DLG2: variants seen among roughly 807,000 people sequenced by gnomAD.
DLG2 encodes disks large homolog 2.
DLG2 carries 45 observed loss-of-function variants against 132.5 expected under a neutral mutation model. That is an observed-to-expected ratio of 0.34 (90% CI 0.27 to 0.44). DLG2 has a LOEUF of 0.44. Ranked by LOEUF, DLG2 falls within the 20% of genes least tolerant of loss-of-function variation. DLG2 has a pLI of 1.00. For missense variants in DLG2, 1,045 were observed against 1,196.9 expected (o/e 0.87, Z 1.87); for synonymous variants, 424 against 419.6 (o/e 1.01, Z -0.13).
chr11:83,847,650 G>A (rs1219712513), intron 16 of DLG2, among the ~76,000 whole-genome samples: 3 of 152,162 alleles, frequency 2.0e-5, no homozygotes, highest in African/African-American at 4.8e-5. Context: ...TATAACTAGG[G>A]GAGGGGTGAA....
At chr11:84,903,703 C>A (rs1163311219) in intron 6 of DLG2, among the ~76,000 whole-genome samples, 1 of 152,090 alleles carries the variant, frequency 6.6e-6, no homozygotes, top group African/African-American at 2.4e-5. Context: ...GATAGTTGTG[C>A]AGTTCTTTCT....
chr11:84,700,508 A>G (rs1231779276), intron 6 of DLG2, among the ~76,000 whole-genome samples: 1 of 151,698 alleles, frequency 6.6e-6, no homozygotes, highest in Non-Finnish European at 1.5e-5. Flanking sequence ...AATATCAAGG[A>G]AATAAAAATT....
Position 85,337,583 on chromosome 11 carries a change from A to G in DLG2, c.41-52218T>C, listed in dbSNP as rs151162493. Among the ~76,000 whole-genome samples, 328 of 152,338 alleles carry G rather than the reference A, an allele frequency of 2.2e-3. 1 individual carries two copies. Among genetic ancestry groups the G allele is most frequent in the African/African-American group, 7.6e-3 (318 of 41,572 alleles). On this transcript the variant is annotated intron_variant, in intron 3 of 27. Transcript: ENST00000376104. ...CATCTTAGGTAACACAAAAAATTCC[A>G]TCTCTAAAACTTTATTATTACAGGT...
chr11:85,537,835 G>A lies in DLG2; in HGVS notation c.40+60822C>T, dbSNP rs536724939. Among the ~76,000 whole-genome samples the A allele has an allele frequency of 2.8e-4, 42 of 152,046 alleles. 1 individual carries two copies. Among genetic ancestry groups the A allele is most frequent in the African/African-American group, 9.2e-4 (38 of 41,336 alleles). On this transcript the variant is annotated intron_variant, in intron 3 of 27. Transcript: ENST00000376104. ...ATCATCTTTAAGAACTGTAACACGC[G>A]GCCAGGCGTGGTGGCTCAAGCCTGT... is the stretch of plus-strand genomic sequence containing the variant.
At chr11:84,841,714 G>T (rs1348517088) in intron 6 of DLG2, among the ~76,000 whole-genome samples, 1 of 151,786 alleles carries the variant, frequency 6.6e-6, no homozygotes, top group Non-Finnish European at 1.5e-5. Flanking sequence ...TTTCCAATGT[G>T]CACATTATGT....
intron 18 of DLG2, among the ~76,000 whole-genome samples, chr11:83,654,503 T>C (rs1193473379): frequency 1.3e-5 from 2 of 152,212 alleles, no homozygotes; most frequent in African/African-American, 2.4e-5. Context: ...TCAGAACAAT[T>C]ACCATTTTCT....
chr11:84,321,767 C>T (rs2098406034), intron 7 of DLG2, among the ~76,000 whole-genome samples: 1 of 152,192 alleles, frequency 6.6e-6, no homozygotes, highest in African/African-American at 2.4e-5. Context: ...CTAGTCTTTA[C>T]TTCCAACCAG....
At chr11:85,313,057 A>G (rs560782729) in intron 3 of DLG2, among the ~76,000 whole-genome samples, 63 of 152,058 alleles carry the variant, frequency 4.1e-4, no homozygotes, top group Non-Finnish European at 6.8e-4. Context: ...AGACGAGACC[A>G]TACATGATGT....
chr11:84,546,633 G>T, intron 6 of DLG2: 1 of 526,658 alleles, frequency 1.9e-6, no homozygotes, highest in South Asian at 1.5e-5. Flanking sequence ...GGCATTTAGG[G>T]CTGCATCCAC....
intron 7 of DLG2, among the ~76,000 whole-genome samples, chr11:84,293,941 T>C (rs565600636): frequency 5.4e-4 from 82 of 152,318 alleles, no homozygotes; most frequent in African/African-American, 1.9e-3. Context: ...ATGAACCTCC[T>C]GTCTAACGCC....
At chr11:83,507,644 G>C (rs934582123) in intron 21 of DLG2, among the ~76,000 whole-genome samples, 3 of 145,676 alleles carry the variant, frequency 2.1e-5, no homozygotes, top group African/African-American at 7.5e-5. Flanking sequence ...AAATGGGGAT[G>C]TGGTGGGAAT....
At chr11:84,735,147 G>A (rs2063664352) in intron 6 of DLG2, among the ~76,000 whole-genome samples, 3 of 152,016 alleles carry the variant, frequency 2.0e-5, no homozygotes. Flanking sequence ...ATGATGCTGG[G>A]CTCATAAAAT....
intron 4 of DLG2, among the ~76,000 whole-genome samples, chr11:85,203,220 A>T (rs1366193194): frequency 6.6e-6 from 1 of 151,696 alleles, no homozygotes; most frequent in Non-Finnish European, 1.5e-5. Context: ...TACTAAAAAA[A>T]TACAAAAGAT....
chr11:83,547,385 G>A (rs1331012306), intron 19 of DLG2, among the ~76,000 whole-genome samples: 3 of 152,076 alleles, frequency 2.0e-5, no homozygotes, highest in Admixed American at 6.6e-5. Flanking sequence ...TCTTGAGAAG[G>A]GGAGATTATC....
At chr11:85,040,349 C>T (rs1250783571) in intron 6 of DLG2, among the ~76,000 whole-genome samples, 2 of 151,832 alleles carry the variant, frequency 1.3e-5, no homozygotes, top group Non-Finnish European at 2.9e-5. Context: ...CCCACTGTAC[C>T]GTGTAATGTT....
chr11:84,245,624 A>C (rs1426354564), intron 8 of DLG2, among the ~76,000 whole-genome samples: 2 of 152,152 alleles, frequency 1.3e-5, no homozygotes, highest in African/African-American at 4.8e-5. Context: ...AAGTAAAGGC[A>C]TTGTACTGCC....
At chr11:84,659,265 AT>A (rs2099691863) in intron 6 of DLG2, among the ~76,000 whole-genome samples, 1 of 152,016 alleles carries the variant, frequency 6.6e-6, no homozygotes, top group Non-Finnish European at 1.5e-5. Flanking sequence ...ACTTTTTAAA[AT>A]TTGAAGTCCT....
intron 6 of DLG2, among the ~76,000 whole-genome samples, chr11:84,733,340 G>A (rs1457146996): frequency 6.6e-6 from 1 of 152,140 alleles, no homozygotes; most frequent in South Asian, 2.1e-4. Flanking sequence ...ATTCTAACTG[G>A]TGTGAGATGG....
chr11:84,761,007 G>C (rs185676726), intron 6 of DLG2, among the ~76,000 whole-genome samples: 234 of 152,216 alleles, frequency 1.5e-3, no homozygotes, highest in Non-Finnish European at 2.5e-3. Context: ...GATTCTTCTG[G>C]GACACTGGGC....
Sources: gnomAD v4.1 joint callset for allele counts (sites outside exome capture counted in the v4.1 genomes callset) on GRCh38, gnomAD v4.1.1 for gene constraint, MANE v1.5 for transcripts, NCBI Gene and HGNC (gene_info 2026-07-23, HGNC 2026-07-21) for gene names.